The following FLVCR2 variants were observed in gnomAD, a reference collection of about 807,000 sequenced individuals.
FLVCR2 encodes the protein FLVCR choline and putative heme transporter 2, also known as choline/ethanolamine transporter FLVCR2.
FLVCR2 carries 38 observed loss-of-function variants against 48.9 expected under a neutral mutation model. The observed-to-expected ratio is 0.78, with a 90% confidence interval of 0.60 to 1.02. The LOEUF is 1.02. Ranked by LOEUF, FLVCR2 falls within the 50% of genes least tolerant of loss-of-function variation. FLVCR2 has a pLI of 0.00. For synonymous variants in FLVCR2, 255 were observed against 257.0 expected (o/e 0.99, Z 0.07); for missense variants, 664 against 663.3 (o/e 1.00, Z -0.01).
At chr14:75,581,101 G>T (rs1213871855) in intron 1 of FLVCR2, among the ~76,000 whole-genome samples, 1 of 152,176 alleles carries the variant, frequency 6.6e-6, no homozygotes, top group South Asian at 2.1e-4. Flanking sequence ...GCTGAAGAAC[G>T]GTTTTGGGGT....
rs1053022602 is a variant in FLVCR2 at position 75,623,229 on chromosome 14, G to A, written c.811+1009G>A. 3.5e-4 allele frequency among the ~76,000 whole-genome samples: 53 copies of A among 152,054 alleles called. 1 individual carries two copies. Among genetic ancestry groups the A allele is most frequent in the African/African-American group, 1.0e-3 (42 of 41,378 alleles). On this transcript the variant is annotated intron_variant, in intron 2 of 9. Coordinates refer to ENST00000238667, the MANE Select transcript of FLVCR2 (RefSeq NM_017791.3). ...GCTCCTGACCTCAAGTGATCTACCC[G>A]CCTCAGCCTCCCAAAGTGCTGGGAT...
chr14:75,638,300 G>A (rs1340237640), intron 5 of FLVCR2, among the ~76,000 whole-genome samples: 4 of 152,134 alleles, frequency 2.6e-5, no homozygotes, highest in Non-Finnish European at 5.9e-5. Context: ...AGCCACGTAT[G>A]GTGGCGCATG....
At chr14:75,601,705 G>A (rs1889169898) in intron 1 of FLVCR2, among the ~76,000 whole-genome samples, 1 of 152,130 alleles carries the variant, frequency 6.6e-6, no homozygotes, top group South Asian at 2.1e-4. Context: ...GCAGGAACTT[G>A]AACAGATATT....
At chr14:75,609,646 G>A (rs964311432) in intron 1 of FLVCR2, among the ~76,000 whole-genome samples, 6 of 152,180 alleles carry the variant, frequency 3.9e-5, no homozygotes, top group Admixed American at 2.0e-4. Flanking sequence ...AGTCCATGAA[G>A]CAGCAACTCT....
intron 1 of FLVCR2, among the ~76,000 whole-genome samples, chr14:75,598,421 T>C (rs1488519588): frequency 6.6e-6 from 1 of 152,210 alleles, no homozygotes; most frequent in Admixed American, 6.5e-5. Context: ...CTGGCCTGGC[T>C]TCTGCCTTGG....
At chr14:75,608,201 A>G (rs1685244320) in intron 1 of FLVCR2, among the ~76,000 whole-genome samples, 2 of 152,180 alleles carry the variant, frequency 1.3e-5, no homozygotes, top group Non-Finnish European at 2.9e-5. Flanking sequence ...CTGCCTTTAC[A>G]CCGGCTCATG....
intron 1 of FLVCR2, among the ~76,000 whole-genome samples, chr14:75,612,398 TG>T (rs1347925516): frequency 1.3e-5 from 2 of 152,208 alleles, no homozygotes; most frequent in Non-Finnish European, 2.9e-5. Flanking sequence ...GAAGGAAGTC[TG>T]GAGTTGGCCA....
In FLVCR2 at chr14:75,633,619, C is replaced by G; in HGVS notation, c.953-10C>G. 6.2e-7 allele frequency: 1 copy of G among 1,612,278 alleles called. No individual in the cohort carries two copies. Among genetic ancestry groups the G allele is most frequent in the Non-Finnish European group, 8.5e-7 (1 of 1,178,316 alleles). On this transcript the variant is annotated splice_polypyrimidine_tract_variant and intron_variant, in intron 3 of 9. Coordinates refer to ENST00000238667, the MANE Select transcript of FLVCR2 (RefSeq NM_017791.3). ...GACCCTAATGTTGTATTTCTCGCTCCCTTCTTCAGGTCTGAATGCTGGTGC... is the reference window on the plus strand; with the variant it reads ...GACCCTAATGTTGTATTTCTCGCTCGCTTCTTCAGGTCTGAATGCTGGTGC...
chr14:75,584,249 A>G (rs1888682911), intron 1 of FLVCR2, among the ~76,000 whole-genome samples: 1 of 152,202 alleles, frequency 6.6e-6, no homozygotes, highest in South Asian at 2.1e-4. Context: ...AGCAGAGGCA[A>G]GTAGCTGTAA....
At chr14:75,635,605 C>T (rs563378530) in intron 5 of FLVCR2, among the ~76,000 whole-genome samples, 1 of 152,324 alleles carries the variant, frequency 6.6e-6, no homozygotes, top group Non-Finnish European at 1.5e-5. Context: ...TGACTCACAT[C>T]TGTAATCCCA....
chr14:75,641,902 A>T lies in FLVCR2; in HGVS notation c.1509+4A>T. ...AAACAAAGAAACTCTTGAGAACGTG[A>T]GTATATGGGAGCTTTGTGGGGCTGA... On this transcript the variant is annotated splice_donor_region_variant and intron_variant, in intron 9 of 9. Transcript: ENST00000238667. The T allele has an allele frequency of 6.2e-7, 1 of 1,613,652 alleles. No individual in the cohort carries two copies. The highest frequency in any genetic ancestry group is 8.5e-7 in the Non-Finnish European group (1 of 1,179,574).
At position 75,579,273 on chromosome 14, in the gene FLVCR2, C is replaced by G; in HGVS notation, c.301C>G (p.Gln101Glu). The G allele has an allele frequency of 6.2e-7, 1 of 1,614,230 alleles. No individual in the cohort carries two copies. Among genetic ancestry groups the G allele is most frequent in the Non-Finnish European group, 8.5e-7 (1 of 1,180,048 alleles). ...CTGCTACTCCATGTGCAACTCCTTTCAGTGGATCCAGTACGGCTCCATCAA... is the reference window on the plus strand; with the variant it reads ...CTGCTACTCCATGTGCAACTCCTTTGAGTGGATCCAGTACGGCTCCATCAA... ...FSCYSMCNSF[Q>E]WIQYGSINNI... The change falls in exon 1 of 10, where the codon CAG (glutamine) becomes GAG (glutamate). Residue 101 changes from glutamine (Q) to glutamate (E), a missense_variant. Gln to Glu is a conservative substitution (Grantham distance 29, BLOSUM62 2). Transcript: ENST00000238667.
chr14:75,629,656 A>T (rs560995062), intron 3 of FLVCR2, among the ~76,000 whole-genome samples: 1 of 151,702 alleles, frequency 6.6e-6, no homozygotes, highest in Admixed American at 6.6e-5. Flanking sequence ...TGGATCTTGC[A>T]TTCACATGGC....
chr14:75,584,904 AC>A (rs1403642934), intron 1 of FLVCR2, among the ~76,000 whole-genome samples: 2 of 152,188 alleles, frequency 1.3e-5, no homozygotes. Flanking sequence ...AGGCACATGT[AC>A]CCTGACTATG....
chr14:75,624,319 C>T (rs976943154), intron 2 of FLVCR2, among the ~76,000 whole-genome samples: 2 of 151,110 alleles, frequency 1.3e-5, no homozygotes, highest in East Asian at 1.9e-4. Flanking sequence ...GCCGAGATGG[C>T]GCCAGCCTGG....
intron 1 of FLVCR2, among the ~76,000 whole-genome samples, chr14:75,619,679 G>A (rs1339708905): frequency 6.6e-6 from 1 of 152,228 alleles, no homozygotes. Flanking sequence ...GGGCATAAAT[G>A]TACCTCCATA....
intron 2 of FLVCR2, among the ~76,000 whole-genome samples, chr14:75,622,619 CA>C (rs1889794088): frequency 6.6e-6 from 1 of 151,782 alleles, no homozygotes; most frequent in Non-Finnish European, 1.5e-5. Flanking sequence ...TCCTATTTAA[CA>C]AAGAGAAAAA....
chr14:75,643,062 A>G (rs1243853756), intron 9 of FLVCR2, among the ~76,000 whole-genome samples: 1 of 152,200 alleles, frequency 6.6e-6, no homozygotes, highest in Non-Finnish European at 1.5e-5. Context: ...GGGTTTCACC[A>G]TGTTGGCCAG....
chr14:75,611,338 G>T (rs142218931), intron 1 of FLVCR2, among the ~76,000 whole-genome samples: 15 of 152,278 alleles, frequency 9.9e-5, no homozygotes, highest in African/African-American at 3.6e-4. Flanking sequence ...CACCTTGTCC[G>T]TTGAGGGCTT....
Sources: allele counts gnomAD v4.1 joint callset (sites outside exome capture counted in the v4.1 genomes callset), GRCh38; gene constraint gnomAD v4.1.1; transcripts MANE v1.5; gene names NCBI Gene and HGNC (gene_info 2026-07-23, HGNC 2026-07-21).